KLHL8: variants seen among roughly 807,000 people sequenced by gnomAD.
KLHL8 encodes the protein kelch-like protein 8.
Under a neutral mutation model 63.5 loss-of-function variants are expected in KLHL8, and 38 were observed. The ratio of observed to expected loss-of-function variants is 0.60; its 90% CI spans 0.46 to 0.78. The LOEUF (loss-of-function observed/expected upper bound fraction) is 0.78. Among genes scored for constraint, KLHL8 ranks in the 30% least tolerant of loss-of-function variants. KLHL8 has a pLI of 0.00. For synonymous variants in KLHL8, 224 were observed against 254.3 expected, an observed-to-expected ratio of 0.88 and a Z score of 1.13; for missense variants, 566 against 752.4, an observed-to-expected ratio of 0.75 and a Z score of 2.90.
intron 4 of KLHL8, among the ~76,000 whole-genome samples, chr4:87,178,883 C>T (rs1730938284): frequency 6.6e-6 from 1 of 152,106 alleles, no homozygotes; most frequent in South Asian, 2.1e-4. Context: ...TTCCTAAGGT[C>T]GTAACAAAAC....
Position 87,185,318 on chromosome 4 carries a change from G to A in KLHL8, c.698C>T (p.Ala233Val). The A allele has an allele frequency of 6.2e-7, 1 of 1,614,168 alleles. No individual in the cohort carries two copies. The highest frequency in any genetic ancestry group is 1.1e-5 in the South Asian group (1 of 91,080). ...NIENEKQVYNAAIKWLLANPQ... is the reference protein window; with the variant it reads ...NIENEKQVYNVAIKWLLANPQ... ...ATTGGCAAGAAGCCACTTGATGGCA[G>A]CATTATAGACCTGCTTTTCATTTTC... The change falls in exon 3 of 10, where the codon GCT (alanine) becomes GTT (valine). Residue 233 changes from alanine (A) to valine (V), a missense_variant. Ala to Val is a moderately conservative substitution (Grantham distance 64, BLOSUM62 0). Coordinates refer to ENST00000273963, the MANE Select transcript of KLHL8 (RefSeq NM_020803.5).
chr4:87,235,316 G>A (rs892575598), intron 1 of KLHL8, among the ~76,000 whole-genome samples: 2 of 151,920 alleles, frequency 1.3e-5, no homozygotes, highest in Admixed American at 6.6e-5. Context: ...CTACGTTTAG[G>A]TACACAAATA....
intron 4 of KLHL8, among the ~76,000 whole-genome samples, chr4:87,180,161 T>C (rs746305771): frequency 1.3e-5 from 2 of 152,240 alleles, no homozygotes; most frequent in African/African-American, 2.4e-5. Context: ...GTACACATCT[T>C]TGGTGTTCCT....
In KLHL8 at chr4:87,178,539, C is replaced by T. The variant is rs769055971; in HGVS notation, c.1034G>A (p.Ser345Asn). Residue 345 changes from serine to asparagine, a missense_variant, in exon 5 of 10, where the codon AGT becomes AAT. Ser to Asn is a conservative substitution (Grantham distance 46, BLOSUM62 1). Transcript: ENST00000273963. ...SIECYSINKN[S>N]WFFGPEMNSR... Reference sequence around the variant, plus strand: ...ATTCATTTCTGGTCCAAAGAACCAACTGTTTTTGTTGATAGAATAGCATTC... The same window carrying T: ...ATTCATTTCTGGTCCAAAGAACCAATTGTTTTTGTTGATAGAATAGCATTC... The T allele has an allele frequency of 1.6e-5, 25 of 1,612,050 alleles. No homozygotes were observed. The highest frequency in any genetic ancestry group is 2.2e-5 in the East Asian group (1 of 44,712).
At chr4:87,172,788 C>G (rs1440091665) in intron 6 of KLHL8, among the ~76,000 whole-genome samples, 2 of 152,118 alleles carry the variant, frequency 1.3e-5, no homozygotes, top group African/African-American at 4.8e-5. Context: ...TACAATAACC[C>G]TTTTTGGTCT....
chr4:87,236,011 T>C (rs1385400312), intron 1 of KLHL8, among the ~76,000 whole-genome samples: 3 of 152,142 alleles, frequency 2.0e-5, no homozygotes, highest in East Asian at 3.9e-4. Context: ...GACGAAGCGC[T>C]CTGCCTCCAA....
intron 8 of KLHL8, among the ~76,000 whole-genome samples, chr4:87,165,284 T>C (rs1424105275): frequency 1.3e-5 from 2 of 151,716 alleles, no homozygotes; most frequent in South Asian, 2.1e-4. Context: ...TTCTGACAAA[T>C]GTATAGTGTC....
chr4:87,200,122 C>T (rs1731853470), intron 1 of KLHL8, among the ~76,000 whole-genome samples: 1 of 127,788 alleles, frequency 7.8e-6, no homozygotes, highest in Admixed American at 9.7e-5. Context: ...GCCTGGGTGA[C>T]CGAGTGAGAC....
At chr4:87,207,622 G>A in intron 1 of KLHL8, 1 of 1,221,490 alleles carries the variant, frequency 8.2e-7, no homozygotes, top group Non-Finnish European at 1.2e-6. Flanking sequence ...TACAGTCCAT[G>A]CCATCACTGC....
intron 1 of KLHL8, among the ~76,000 whole-genome samples, chr4:87,237,958 C>T (rs777772906): frequency 5.3e-5 from 8 of 151,844 alleles, no homozygotes; most frequent in South Asian, 2.1e-4. Context: ...TTTTTTAAGA[C>T]GGAGTCTTGC....
At chr4:87,218,432 T>A (rs997562741) in intron 1 of KLHL8, among the ~76,000 whole-genome samples, 20 of 152,144 alleles carry the variant, frequency 1.3e-4, no homozygotes, top group Non-Finnish European at 2.4e-4. Flanking sequence ...TTGGCCAGGA[T>A]GGTCTTGATC....
intron 1 of KLHL8, among the ~76,000 whole-genome samples, chr4:87,236,267 G>A (rs1733226027): frequency 1.3e-5 from 2 of 150,472 alleles, no homozygotes; most frequent in African/African-American, 2.4e-5. Context: ...GGAGTGCAGT[G>A]GGGCGATCTC....
intron 1 of KLHL8, among the ~76,000 whole-genome samples, chr4:87,199,827 AAAACAAAACAAAAC>A (rs1731840252): frequency 2.6e-5 from 4 of 151,170 alleles, no homozygotes; most frequent in Admixed American, 2.0e-4. Context: ...CACCTGTCTC[AAAACAAAACAAAAC>A]AAACAAACAA....
chr4:87,176,913 T>C, intron 5 of KLHL8, 45 bp from the exon 6 acceptor site: 1 of 932,682 alleles, frequency 1.1e-6, no homozygotes, highest in African/African-American at 1.7e-5. Flanking sequence ...AACAAATAAA[T>C]TCATATCATT....
In KLHL8 at chr4:87,185,814, C is replaced by A; in HGVS notation, c.217-15G>T. ...TTTGAGCCAACCTGTTCAAAAGAAA[C>A]CAAGAAAGATTCTGTTTAATATCAA... On this transcript the variant is annotated splice_polypyrimidine_tract_variant and intron_variant, in intron 2 of 9. Coordinates refer to ENST00000273963, the MANE Select transcript of KLHL8 (RefSeq NM_020803.5). 2 of 1,551,490 alleles carry A rather than the reference C, an allele frequency of 1.3e-6. No homozygotes were observed. Among genetic ancestry groups the A allele is most frequent in the Non-Finnish European group, 1.7e-6 (2 of 1,149,944 alleles).
chr4:87,169,627 C>G (rs1456529144), intron 8 of KLHL8, among the ~76,000 whole-genome samples: 3 of 152,142 alleles, frequency 2.0e-5, no homozygotes, highest in Non-Finnish European at 2.9e-5. Context: ...TCTGGGAGGG[C>G]AAGGCAGGAG....
intron 1 of KLHL8, among the ~76,000 whole-genome samples, chr4:87,204,397 AGGT>A (rs1028785405): frequency 2.7e-4 from 41 of 151,854 alleles, no homozygotes; most frequent in African/African-American, 9.9e-4. Context: ...AAAAAAAAAA[AGGT>A]GGAAGTTTCT....
At chr4:87,170,053 T>G (rs1411601289) in intron 8 of KLHL8, 26 bp downstream of exon 8, 1 of 1,577,866 alleles carries the variant, frequency 6.3e-7, no homozygotes, top group Non-Finnish European at 8.7e-7. Context: ...TATACTGATA[T>G]ATTAGAGAAA....
intron 1 of KLHL8, among the ~76,000 whole-genome samples, chr4:87,217,681 G>T (rs1732654337): frequency 6.7e-6 from 1 of 148,856 alleles, no homozygotes. Flanking sequence ...ATAGAGAAAG[G>T]TCTCACTTTG....
Sources: allele counts gnomAD v4.1 joint callset (sites outside exome capture counted in the v4.1 genomes callset), GRCh38; gene constraint gnomAD v4.1.1; transcripts MANE v1.5; gene names NCBI Gene and HGNC (gene_info 2026-07-23, HGNC 2026-07-21).